Variants in SOX6 observed in about 807,000 individuals in gnomAD.
SOX6 encodes transcription factor SOX-6.
Under a neutral mutation model 97.8 loss-of-function variants are expected in SOX6, and 11 were observed. The observed-to-expected ratio is 0.11, with a 90% CI of 0.07 to 0.19. SOX6 has a LOEUF of 0.19. Among genes scored for constraint, SOX6 ranks in the 10% least tolerant of loss-of-function variants. The pLI, the probability that SOX6 is intolerant of heterozygous loss-of-function variation, is 1.00. For missense variants in SOX6, 810 were observed against 1,039.5 expected (o/e 0.78, Z 3.04); for synonymous variants, 360 against 371.4 (o/e 0.97, Z 0.35).
At chr11:16,426,891 G>C (rs551618295) in intron 1 of SOX6, among the ~76,000 whole-genome samples, 1 of 125,588 alleles carries the variant, frequency 8.0e-6, no homozygotes, top group East Asian at 2.3e-4. Context: ...TCCAGCCTGG[G>C]CGACAGAGCG....
intron 1 of SOX6, among the ~76,000 whole-genome samples, chr11:16,454,129 A>T (rs988381578): frequency 2.6e-5 from 4 of 152,050 alleles, no homozygotes; most frequent in Admixed American, 2.6e-4. Flanking sequence ...ATAGGTTTTA[A>T]ACTTTGTGCT....
chr11:16,150,370 C>A (rs530713896), intron 6 of SOX6, among the ~76,000 whole-genome samples: 3 of 152,206 alleles, frequency 2.0e-5, no homozygotes, highest in Non-Finnish European at 2.9e-5. Context: ...TAGCAGAGCC[C>A]ACATGAGACT....
At chr11:16,597,935 A>G (rs1377830045) in intron 4 of SOX6, among the ~76,000 whole-genome samples, 1 of 152,060 alleles carries the variant, frequency 6.6e-6, no homozygotes, top group African/African-American at 2.4e-5. Flanking sequence ...TTTCAAGGAA[A>G]GAAAGTTAAG....
chr11:16,360,919 C>T (rs1476841261), upstream of SOX6, among the ~76,000 whole-genome samples: 2 of 151,652 alleles, frequency 1.3e-5, no homozygotes, highest in African/African-American at 2.4e-5. Context: ...AGGAGAATGG[C>T]GTGAACCCGG....
chr11:16,707,105 G>C (rs1848143617), intron 3 of SOX6, among the ~76,000 whole-genome samples: 1 of 152,110 alleles, frequency 6.6e-6, no homozygotes, highest in African/African-American at 2.4e-5. Flanking sequence ...CTCTTTCCCA[G>C]TAGTACTCCA....
chr11:16,437,838 A>ATAGT (rs961116796), intron 1 of SOX6, among the ~76,000 whole-genome samples: 1 of 152,236 alleles, frequency 6.6e-6, no homozygotes, highest in Non-Finnish European at 1.5e-5. Flanking sequence ...AGAGTTGCTT[A>ATAGT]TAGTTTCACA....
At chr11:16,663,528 C>T (rs1037521336) in intron 3 of SOX6, among the ~76,000 whole-genome samples, 7 of 152,078 alleles carry the variant, frequency 4.6e-5, no homozygotes, top group African/African-American at 1.7e-4. Context: ...TCACCATGTT[C>T]CCCAGGCTGG....
At chr11:16,140,997 C>T (rs1850120237) in intron 6 of SOX6, among the ~76,000 whole-genome samples, 2 of 152,064 alleles carry the variant, frequency 1.3e-5, no homozygotes, top group African/African-American at 4.8e-5. Context: ...GCCTGTAATC[C>T]CAGCTACATG....
At chr11:16,178,222 T>C (rs1271073802) in intron 6 of SOX6, among the ~76,000 whole-genome samples, 1 of 151,940 alleles carries the variant, frequency 6.6e-6, no homozygotes, top group Non-Finnish European at 1.5e-5. Flanking sequence ...TAAAGTGTAG[T>C]TTTAGTTCAC....
At position 16,300,167 on chromosome 11, in the gene SOX6, T is replaced by A. The variant is rs1433442495; in HGVS notation, c.445+18279A>T. On this transcript the variant is annotated intron_variant, in intron 3 of 15. Coordinates refer to ENST00000683767, the MANE Select transcript of SOX6 (RefSeq NM_001367873.1). The surrounding 1 kb of genome is among the most constrained non-coding windows in gnomAD (Gnocchi z 4.1). Reference sequence around the variant, plus strand: ...CTCCTTCAGCAAGCTTCCCCAGTACTTGGGGTGTCTAATGGCCACAATACA... The same window carrying A: ...CTCCTTCAGCAAGCTTCCCCAGTACATGGGGTGTCTAATGGCCACAATACA... Among the ~76,000 whole-genome samples, 2 of 152,146 alleles carry A rather than the reference T, an allele frequency of 1.3e-5. No individual in the cohort carries two copies. Among genetic ancestry groups the A allele is most frequent in the Non-Finnish European group, 2.9e-5 (2 of 68,034 alleles).
chr11:16,486,733 G>A (rs1459142557), intron 4 of SOX6, among the ~76,000 whole-genome samples: 4 of 151,712 alleles, frequency 2.6e-5, no homozygotes, highest in Admixed American at 6.6e-5. Flanking sequence ...TGATAGTCCC[G>A]GCTACTCAGG....
At chr11:16,354,044 C>T (rs1857015805) in intron 1 of SOX6, among the ~76,000 whole-genome samples, 1 of 151,892 alleles carries the variant, frequency 6.6e-6, no homozygotes, top group Admixed American at 6.6e-5. Context: ...CCAGTCTTAC[C>T]AGGATCTATT....
chr11:15,980,788 C>T (rs1183676852), intron 15 of SOX6, among the ~76,000 whole-genome samples: 3 of 152,008 alleles, frequency 2.0e-5, no homozygotes, highest in African/African-American at 7.2e-5. Flanking sequence ...ATCTCTCTTC[C>T]TCTGAGCTTT....
At chr11:16,633,992 G>A (rs1848748195) in intron 3 of SOX6, among the ~76,000 whole-genome samples, 1 of 152,114 alleles carries the variant, frequency 6.6e-6, no homozygotes, top group Admixed American at 6.6e-5. Flanking sequence ...TTGACATGAA[G>A]AATCAGGAAA....
At chr11:16,047,866 A>T (rs982444538) in intron 11 of SOX6, among the ~76,000 whole-genome samples, 1 of 151,802 alleles carries the variant, frequency 6.6e-6, no homozygotes, top group East Asian at 1.9e-4. Flanking sequence ...CAAGCTATAC[A>T]TGGAATTTTT....
chr11:16,020,077 T>C (rs1855008081), intron 12 of SOX6, among the ~76,000 whole-genome samples: 1 of 152,156 alleles, frequency 6.6e-6, no homozygotes, highest in South Asian at 2.1e-4. Context: ...AAACTGAAAG[T>C]AAAGACTCCC....
intron 4 of SOX6, among the ~76,000 whole-genome samples, chr11:16,194,802 C>G (rs1444731219): frequency 6.6e-6 from 1 of 152,176 alleles, no homozygotes; most frequent in Non-Finnish European, 1.5e-5. Flanking sequence ...ATCTAGGCTC[C>G]CAACCTCACA....
intron 9 of SOX6, among the ~76,000 whole-genome samples, chr11:16,068,774 T>G (rs528453123): frequency 5.2e-4 from 79 of 152,370 alleles, no homozygotes; most frequent in Middle Eastern, 3.4e-3. Context: ...ACTTTTTCCT[T>G]GAAGCGTTAT....
At chr11:15,974,826 A>G (rs1853424824) in intron 15 of SOX6, among the ~76,000 whole-genome samples, 1 of 152,186 alleles carries the variant, frequency 6.6e-6, no homozygotes, top group African/African-American at 2.4e-5. Flanking sequence ...AACATAACAT[A>G]TAAAATATTT....
Sources: allele counts gnomAD v4.1 joint callset (sites outside exome capture counted in the v4.1 genomes callset), GRCh38; gene constraint gnomAD v4.1.1; non-coding constraint Gnocchi (gnomAD v3.1); transcripts MANE v1.5; gene names NCBI Gene and HGNC (gene_info 2026-07-23, HGNC 2026-07-21).